NPAS2: variants seen among roughly 807,000 people sequenced by gnomAD.
NPAS2 encodes the protein neuronal PAS domain protein 2.
In NPAS2, 23 loss-of-function variants were observed where a neutral mutation model predicts 107.5. The ratio of observed to expected loss-of-function variants is 0.21; its 90% CI spans 0.15 to 0.30. The LOEUF is 0.30. Among genes scored for constraint, NPAS2 ranks in the 10% least tolerant of loss-of-function variants. NPAS2 has a pLI of 1.00. For synonymous variants in NPAS2, 403 were observed against 417.5 expected, an observed-to-expected ratio of 0.97 and a Z score of 0.42; for missense variants, 756 against 1,043.3, an observed-to-expected ratio of 0.72 and a Z score of 3.79.
At chr2:100,881,926 T>G (rs955766484) in intron 1 of NPAS2, among the ~76,000 whole-genome samples, 9 of 152,028 alleles carry the variant, frequency 5.9e-5, no homozygotes, top group Non-Finnish European at 1.0e-4. Flanking sequence ...ACCCACCACC[T>G]CCCTCATGTG....
chr2:100,896,828 C>CCCTT (rs1681441193), intron 1 of NPAS2, among the ~76,000 whole-genome samples: 1 of 151,482 alleles, frequency 6.6e-6, no homozygotes, highest in South Asian at 2.1e-4. Context: ...CTCCCTCCCT[C>CCCTT]CCTTCCTCCC....
intron 2 of NPAS2, among the ~76,000 whole-genome samples, chr2:100,908,014 G>A (rs11123853): frequency 0.14 from 21,795 of 152,140 alleles, 1,868 homozygotes; most frequent in East Asian, 0.43. Flanking sequence ...GTGAAACAGT[G>A]TTGTAGGGTG....
At chr2:100,858,932 C>G in intron 1 of NPAS2, among the ~76,000 whole-genome samples, 1 of 152,142 alleles carries the variant, frequency 6.6e-6, no homozygotes, top group East Asian at 1.9e-4. Flanking sequence ...GCATAATCAA[C>G]GCCTCAAGAA....
chr2:100,928,110 A>C (rs1257949844), intron 3 of NPAS2, among the ~76,000 whole-genome samples: 3 of 152,132 alleles, frequency 2.0e-5, no homozygotes, highest in African/African-American at 7.2e-5. Context: ...TTTGATGATC[A>C]TATATACCTA....
chr2:100,988,415 G>T (rs958439754), intron 17 of NPAS2, 139 bp downstream of exon 17: 3 of 692,220 alleles, frequency 4.3e-6, no homozygotes, highest in African/African-American at 3.6e-5. Flanking sequence ...GGTAGATTTG[G>T]GAGTGAGCCT....
In NPAS2 at chr2:100,976,395, A is replaced by G. The variant is rs914177461; in HGVS notation, c.1392+828A>G. ...GGAGACACCTGGAGACGCAGGCAGG[A>G]ACCATGCAGACCTCTGTGACCTAGC... is the stretch of plus-strand genomic sequence containing the variant. On this transcript the variant is annotated intron_variant, in intron 14 of 20. Coordinates refer to ENST00000335681, the MANE Select transcript of NPAS2 (RefSeq NM_002518.4). This position sits in a 1 kb window ranked among gnomAD's most constrained non-coding sequence, Gnocchi z 4.1. Among the ~76,000 whole-genome samples the G allele has an allele frequency of 5.1e-4, 77 of 152,192 alleles. No individual in the cohort carries two copies. Among genetic ancestry groups the G allele is most frequent in the African/African-American group, 1.6e-3 (67 of 41,534 alleles).
At position 100,869,900 on chromosome 2, in the gene NPAS2, C is replaced by CTT. The variant is rs34489501; in HGVS notation, c.-22-34812_-22-34811dup. On this transcript the variant is annotated intron_variant, in intron 1 of 20. Coordinates refer to ENST00000335681, the MANE Select transcript of NPAS2 (RefSeq NM_002518.4). The stretch of plus-strand genomic sequence containing the variant: ...TTTGGCCCCAGCAGACTCCTGACTT[C>CTT]TTTTTTTTTTTTTTTTTTTTTTGAG... Among the ~76,000 whole-genome samples, 263 of 82,434 alleles carry CTT rather than the reference C, an allele frequency of 3.2e-3. 5 individuals carry two copies. Among genetic ancestry groups the CTT allele is most frequent in the African/African-American group, 8.7e-3 (200 of 22,906 alleles). 54.1% of individuals were successfully genotyped at this position (82,434 alleles called of 152,430 possible).
At chr2:100,822,683 T>C (rs1676146716) in intron 1 of NPAS2, 1 of 152,226 alleles carries the variant, frequency 6.6e-6, no homozygotes, top group South Asian at 2.1e-4. Context: ...TAAGTCTTCT[T>C]TCTTAATTTT....
rs1676031073 is a variant in NPAS2, at chr2:100,820,903, TGGTTCCGGGCCGGATTGGGTGCGGAATC to T, written c.-23+493_-23+520del. 9.4e-6 allele frequency: 5 copies of T among 533,796 alleles called. No individual in the cohort carries two copies. The highest frequency in any genetic ancestry group is 1.5e-5 in the Non-Finnish European group (5 of 330,694). The allele number at this position is 533,796 out of a possible 1,614,324, so 33.1% of individuals were successfully genotyped here. On this transcript the variant is annotated intron_variant, in intron 1 of 20. Transcript: ENST00000335681. The surrounding 1 kb of genome is among the most constrained non-coding windows in gnomAD (Gnocchi z 5.6). Reference sequence around the variant, plus strand: ...TCTCTCGGAGTCCCTGGGTCGGAATTGGTTCCGGGCCGGATTGGGTGCGGAATCGGTGCCCCCAACCCCCGTGTGCGCA... The same window carrying T: ...TCTCTCGGAGTCCCTGGGTCGGAATTGGTGCCCCCAACCCCCGTGTGCGCA...
rs141148106 is a variant in NPAS2, at chr2:100,845,351, G to C, written c.-23+24937G>C. On this transcript the variant is annotated intron_variant, in intron 1 of 20. Coordinates refer to ENST00000335681, the MANE Select transcript of NPAS2 (RefSeq NM_002518.4). Reference sequence around the variant, plus strand: ...GCTCCATGCTGATTATTGTAGATGAGGGGCTGGCTTCCTGTACAGGTTGCT... The same window carrying C: ...GCTCCATGCTGATTATTGTAGATGACGGGCTGGCTTCCTGTACAGGTTGCT... Among the ~76,000 whole-genome samples, 35 of 152,314 alleles carry C rather than the reference G, an allele frequency of 2.3e-4. No homozygotes were observed. The East Asian group carries it at 6.8e-3, about 29-fold the overall frequency.
In NPAS2 at chr2:100,990,354, G is replaced by A. The variant is rs776277664; in HGVS notation, c.1926G>A (p.Pro642=). The A allele has an allele frequency of 1.3e-5, 21 of 1,614,018 alleles. No individual in the cohort carries two copies. The highest frequency in any genetic ancestry group is 2.2e-5 in the East Asian group (1 of 44,884). Residue 642 remains proline (P), a synonymous_variant, in exon 18 of 21, where the codon CCG becomes CCA. Transcript: ENST00000335681. ...TCAGCAGCGCCACAGCTGCGCTCCC[G>A]CCAAGTCTGAATCTGACCACACCTG... ...SPFSSATAAL[P]PSLNLTTPAS...
chr2:100,864,866 T>C (rs926714181), intron 1 of NPAS2, among the ~76,000 whole-genome samples: 1 of 152,220 alleles, frequency 6.6e-6, no homozygotes, highest in African/African-American at 2.4e-5. Flanking sequence ...TGAGAACATT[T>C]AAAAATGTTT....
chr2:100,865,650 GAGA>G (rs1281018663), intron 1 of NPAS2, among the ~76,000 whole-genome samples: 2 of 152,152 alleles, frequency 1.3e-5, no homozygotes, highest in African/African-American at 2.4e-5. Context: ...CCCCATTTCA[GAGA>G]AGAATTTGGA....
intron 4 of NPAS2, among the ~76,000 whole-genome samples, chr2:100,936,608 T>C (rs563207550): frequency 6.6e-6 from 1 of 152,310 alleles, no homozygotes; most frequent in South Asian, 2.1e-4. Context: ...GTCTTTATTT[T>C]AGAAATCAAC....
chr2:100,973,585 CAT>C (rs1448730214), intron 12 of NPAS2, among the ~76,000 whole-genome samples: 7 of 152,196 alleles, frequency 4.6e-5, no homozygotes, highest in Non-Finnish European at 1.0e-4. Context: ...CTGTAGGTCA[CAT>C]GTCAGTCACT....
chr2:100,958,192 T>C (rs962773319), intron 7 of NPAS2, among the ~76,000 whole-genome samples: 2 of 152,176 alleles, frequency 1.3e-5, no homozygotes, highest in African/African-American at 4.8e-5. Flanking sequence ...TGCCCTCGTT[T>C]TACCTACTCG....
intron 7 of NPAS2, 90 bp downstream of exon 7, chr2:100,949,570 G>T: frequency 1.3e-6 from 1 of 744,516 alleles, no homozygotes. Flanking sequence ...GGGAGGAGGA[G>T]GGAGAACGCG....
At chr2:100,853,469 C>G (rs1678347145) in intron 1 of NPAS2, among the ~76,000 whole-genome samples, 1 of 152,180 alleles carries the variant, frequency 6.6e-6, no homozygotes, top group South Asian at 2.1e-4. Context: ...TTTGCTGTCA[C>G]GCTGGGAATA....
intron 7 of NPAS2, among the ~76,000 whole-genome samples, chr2:100,951,336 A>AT (rs1367531393): frequency 2.6e-5 from 4 of 152,204 alleles, no homozygotes; most frequent in African/African-American, 9.7e-5. Flanking sequence ...ACTTATGGGT[A>AT]TGCACGCAAA....
Sources: allele counts gnomAD v4.1 joint callset (sites outside exome capture counted in the v4.1 genomes callset), GRCh38; gene constraint gnomAD v4.1.1; non-coding constraint Gnocchi (gnomAD v3.1); transcripts MANE v1.5; gene names NCBI Gene and HGNC (gene_info 2026-07-23, HGNC 2026-07-21).